TMTC1: variants seen among roughly 807,000 people sequenced by gnomAD.
TMTC1 encodes transmembrane O-mannosyltransferase targeting cadherins 1, also known as protein O-mannosyl-transferase TMTC1.
Under a neutral mutation model 104.8 loss-of-function variants are expected in TMTC1, and 73 were observed. That is an observed-to-expected ratio of 0.70 (90% confidence interval 0.58 to 0.85). The LOEUF (loss-of-function observed/expected upper bound fraction) is 0.85. Among genes scored for constraint, TMTC1 ranks in the 40% least tolerant of loss-of-function variants. The probability of loss-of-function intolerance (pLI) is 0.00; values close to 1 mark genes in which losing one functional copy is unlikely to be tolerated. For missense variants in TMTC1, 1,035 were observed against 1,096.1 expected (o/e 0.94, Z 0.79); for synonymous variants, 434 against 428.7 (o/e 1.01, Z -0.15).
At position 29,643,829 on chromosome 12, in the gene TMTC1, T is replaced by A. The variant is rs370072751; in HGVS notation, c.939-10493A>T. On this transcript the variant is annotated intron_variant, in intron 5 of 17. Coordinates refer to ENST00000539277, the MANE Select transcript of TMTC1 (RefSeq NM_001193451.2). ...TATATATTTATATATATTTATATAT[T>A]TATATATATTTATATATTTATATAT... is the stretch of plus-strand genomic sequence containing the variant. Among the ~76,000 whole-genome samples, 251 of 75,280 alleles carry A rather than the reference T, an allele frequency of 3.3e-3. 9 individuals carry two copies. The highest frequency in any genetic ancestry group is 8.9e-3 in the African/African-American group (173 of 19,362). The allele number at this position is 75,280 out of a possible 152,430, so 49.4% of individuals were successfully genotyped here.
chr12:29,612,933 A>G (rs926700800), intron 6 of TMTC1, among the ~76,000 whole-genome samples: 2 of 152,242 alleles, frequency 1.3e-5, no homozygotes, highest in Non-Finnish European at 2.9e-5. Flanking sequence ...AAAGTGAAGG[A>G]GCATCCACAT....
chr12:29,547,149 T>C (rs539980023), intron 10 of TMTC1, among the ~76,000 whole-genome samples: 2 of 152,256 alleles, frequency 1.3e-5, no homozygotes, highest in South Asian at 2.1e-4. Flanking sequence ...TTAGAAATAT[T>C]TATGCAATGA....
At chr12:29,621,729 T>C (rs550454030) in intron 6 of TMTC1, among the ~76,000 whole-genome samples, 1 of 152,126 alleles carries the variant, frequency 6.6e-6, no homozygotes, top group African/African-American at 2.4e-5. Flanking sequence ...CTCTGTGTGG[T>C]GTTGTGGTGA....
rs547261593 is a variant in TMTC1, at chr12:29,677,848, G to A, written c.939-44512C>T. Among the ~76,000 whole-genome samples, 263 of 152,336 alleles carry A rather than the reference G, an allele frequency of 1.7e-3. 8 individuals carry two copies. The South Asian group carries it at 0.052, about 30-fold the overall frequency. Reference sequence around the variant, plus strand: ...AATGCCCCACACATGCAAAAGCAGCGATGCTGCCATATGGCTATAATTGCT... The same window carrying A: ...AATGCCCCACACATGCAAAAGCAGCAATGCTGCCATATGGCTATAATTGCT... On this transcript the variant is annotated intron_variant, in intron 5 of 17. Coordinates refer to ENST00000539277, the MANE Select transcript of TMTC1 (RefSeq NM_001193451.2).
intron 5 of TMTC1, among the ~76,000 whole-genome samples, chr12:29,670,891 T>A (rs1408436935): frequency 7.2e-6 from 1 of 139,288 alleles, no homozygotes; most frequent in East Asian, 2.1e-4. Flanking sequence ...GCTGAGATCG[T>A]GCCACTGCAT....
chr12:29,525,976 G>T (rs1406735655), intron 11 of TMTC1, among the ~76,000 whole-genome samples: 1 of 152,164 alleles, frequency 6.6e-6, no homozygotes, highest in East Asian at 1.9e-4. Context: ...ACAGCCATCA[G>T]ATTTTTGTAT....
chr12:29,544,360 C>T (rs1181138568), intron 10 of TMTC1, among the ~76,000 whole-genome samples: 1 of 152,120 alleles, frequency 6.6e-6, no homozygotes, highest in Non-Finnish European at 1.5e-5. Flanking sequence ...TCCCACCCCC[C>T]ATCCTACCCT....
chr12:29,596,481 GA>G (rs761489077), intron 7 of TMTC1, among the ~76,000 whole-genome samples: 1 of 152,150 alleles, frequency 6.6e-6, no homozygotes, highest in Admixed American at 6.5e-5. Flanking sequence ...CTCCTGCTAT[GA>G]AAAGAGAATC....
rs1253131640 is a variant in TMTC1 at position 29,670,938 on chromosome 12, A to AAAAAAAAAAAAAAG, written c.939-37603_939-37602insCTTTTTTTTTTTTT. Among the ~76,000 whole-genome samples, 71 of 121,618 alleles carry AAAAAAAAAAAAAAG rather than the reference A, an allele frequency of 5.8e-4. 2 individuals are homozygous for AAAAAAAAAAAAAAG. The highest frequency in any genetic ancestry group is 8.8e-3 in the Middle Eastern group (2 of 228). 79.8% of individuals were successfully genotyped at this position (121,618 alleles called of 152,430 possible). On this transcript the variant is annotated intron_variant, in intron 5 of 17. Coordinates refer to ENST00000539277, the MANE Select transcript of TMTC1 (RefSeq NM_001193451.2). The stretch of plus-strand genomic sequence containing the variant: ...CCACAGCACGAGACTCTGTCTCAAA[A>AAAAAAAAAAAAAAG]AAAAAGAAAAAAAAGGATAGGAATT...
intron 4 of TMTC1, among the ~76,000 whole-genome samples, chr12:29,753,077 T>A (rs1347169350): frequency 1.3e-5 from 2 of 152,194 alleles, no homozygotes; most frequent in African/African-American, 2.4e-5. Flanking sequence ...TAAACTGCAC[T>A]TGTAGGAAAG....
At chr12:29,557,433 A>G (rs1208580392) in intron 9 of TMTC1, among the ~76,000 whole-genome samples, 1 of 152,144 alleles carries the variant, frequency 6.6e-6, no homozygotes, top group African/African-American at 2.4e-5. Context: ...AATCTTCATA[A>G]ACATCTTTAA....
chr12:29,761,138 C>G (rs186740891), intron 2 of TMTC1, among the ~76,000 whole-genome samples: 7 of 148,054 alleles, frequency 4.7e-5, no homozygotes, highest in Non-Finnish European at 8.9e-5. Flanking sequence ...TTTACATGTT[C>G]TAATATAAAT....
chr12:29,778,955 G>A (rs996980839), intron 1 of TMTC1, among the ~76,000 whole-genome samples: 2 of 152,186 alleles, frequency 1.3e-5, no homozygotes, highest in Admixed American at 1.3e-4. Flanking sequence ...GGGAAGCAAA[G>A]GCAAAATGGA....
intron 6 of TMTC1, among the ~76,000 whole-genome samples, chr12:29,616,548 A>G (rs1382068904): frequency 6.6e-6 from 1 of 151,796 alleles, no homozygotes. Flanking sequence ...GACGCCTGTA[A>G]TCCCAGCTAC....
intron 10 of TMTC1, among the ~76,000 whole-genome samples, chr12:29,547,761 C>T (rs896343523): frequency 1.3e-5 from 2 of 152,150 alleles, no homozygotes; most frequent in Non-Finnish European, 2.9e-5. Context: ...AATGCTAAGA[C>T]ATTTGGACTC....
At chr12:29,725,142 C>A (rs1445021475) in intron 5 of TMTC1, among the ~76,000 whole-genome samples, 1 of 149,642 alleles carries the variant, frequency 6.7e-6, no homozygotes, top group Non-Finnish European at 1.5e-5. Context: ...CTCAGCCTCC[C>A]GAATAGCTGG....
At chr12:29,606,983 CT>C (rs1183857163) in intron 6 of TMTC1, among the ~76,000 whole-genome samples, 64 of 151,294 alleles carry the variant, frequency 4.2e-4, no homozygotes, top group African/African-American at 1.2e-3. Flanking sequence ...GCCCCCCCCC[CT>C]CACTCACGGA....
intron 5 of TMTC1, among the ~76,000 whole-genome samples, chr12:29,643,930 AAT>A (rs1196852803): frequency 8.9e-6 from 1 of 111,828 alleles, no homozygotes; most frequent in Admixed American, 1.3e-4. Context: ...TATATAAATA[AAT>A]ATATATAAAT....
intron 5 of TMTC1, among the ~76,000 whole-genome samples, chr12:29,708,783 T>G (rs1256734173): frequency 1.3e-5 from 2 of 152,166 alleles, no homozygotes. Flanking sequence ...TAACCTGTTT[T>G]TATATAATAG....
Sources: gnomAD v4.1 joint callset for allele counts (sites outside exome capture counted in the v4.1 genomes callset) on GRCh38, gnomAD v4.1.1 for gene constraint, MANE v1.5 for transcripts, NCBI Gene and HGNC (gene_info 2026-07-23, HGNC 2026-07-21) for gene names.